The following SRSF7 variants were observed in gnomAD, a reference collection of about 807,000 sequenced individuals.
SRSF7 encodes the protein serine and arginine rich splicing factor 7.
SRSF7 carries 15 observed loss-of-function variants against 42.2 expected under a neutral mutation model. The observed-to-expected ratio is 0.36, with a 90% CI of 0.24 to 0.55. The LOEUF is 0.55. Ranked by LOEUF, SRSF7 falls within the 20% of genes least tolerant of loss-of-function variation. The pLI, the probability that SRSF7 is intolerant of heterozygous loss-of-function variation, is 0.88. For synonymous variants in SRSF7, 138 were observed against 107.9 expected, an observed-to-expected ratio of 1.28 and a Z score of -1.73; for missense variants, 181 against 305.9, an observed-to-expected ratio of 0.59 and a Z score of 3.04.
chr2:38,751,157 G>A, intron 1 of SRSF7, 72 bp downstream of exon 1: 1 of 1,597,880 alleles, frequency 6.3e-7, no homozygotes, highest in South Asian at 1.1e-5. Flanking sequence ...CCCAACCTCC[G>A]CGACAACCCT....
intron 1 of SRSF7, 38 bp downstream of exon 1, chr2:38,751,191 C>T: frequency 6.2e-7 from 1 of 1,613,746 alleles, no homozygotes; most frequent in East Asian, 2.2e-5. Context: ...GCTCACTACA[C>T]CCACACCAAC....
intron 3 of SRSF7, 100 bp from the exon 4 acceptor site, chr2:38,748,753 T>G: frequency 8.1e-6 from 11 of 1,349,866 alleles, no homozygotes; most frequent in Non-Finnish European, 1.1e-5. Flanking sequence ...CTATTTAAAT[T>G]TAGTGTCTCA....
chr2:38,751,353 C>G lies in SRSF7; in HGVS notation c.-97G>C. On this transcript the variant is annotated 5_prime_UTR_variant, in exon 1 of 8. Coordinates refer to ENST00000313117, the MANE Select transcript of SRSF7 (RefSeq NM_001031684.3). ...CACCTTCACCCGCCAAGAGTCCCGG[C>G]GGCACTACGAGGAAGAGCCCGGGTT... 4.5e-5 allele frequency: 71 copies of G among 1,563,962 alleles called. No homozygotes were observed. Among genetic ancestry groups the G allele is most frequent in the Admixed American group, 1.2e-4 (7 of 59,224 alleles).
intron 1 of SRSF7, chr2:38,750,962 C>T (rs1486657826): frequency 7.2e-6 from 3 of 414,170 alleles, no homozygotes; most frequent in Non-Finnish European, 1.3e-5. Flanking sequence ...CCGAGAAAGG[C>T]AACGCGAAAA....
chr2:38,746,268 C>G, intron 6 of SRSF7, 89 bp from the exon 7 acceptor site: 1 of 1,440,192 alleles, frequency 6.9e-7, no homozygotes, highest in Non-Finnish European at 9.7e-7. Flanking sequence ...CCCAAATGTC[C>G]TAAGCTTAAA....
chr2:38,744,897 G>A lies in SRSF7; in HGVS notation c.*236C>T. On this transcript the variant is annotated 3_prime_UTR_variant, in exon 8 of 8. Coordinates refer to ENST00000313117, the MANE Select transcript of SRSF7 (RefSeq NM_001031684.3). ...ATATTGAACACAAATCAAAAATCTA[G>A]TTAGAAACATTTTATTTAAATGTGC... 2 of 458,224 alleles carry A rather than the reference G, an allele frequency of 4.4e-6. No individual in the cohort carries two copies. Among genetic ancestry groups the A allele is most frequent in the Non-Finnish European group, 7.7e-6 (2 of 258,514 alleles). 28.4% of individuals were successfully genotyped at this position (458,224 alleles called of 1,614,324 possible).
chr2:38,744,549 TCA>T lies in SRSF7; in HGVS notation c.*582_*583del. 1.3e-5 allele frequency: 2 copies of T among 152,278 alleles called. No individual in the cohort carries two copies. The highest frequency in any genetic ancestry group is 4.8e-5 in the African/African-American group (2 of 41,450). The allele number at this position is 152,278 out of a possible 1,614,324, so 9.4% of individuals were successfully genotyped here. ...CAGTTTCGTTTAGTTCCTGTCATGCTCATTTAGACACATCAGTGGTCCTACTT... is the reference window on the plus strand; with the variant it reads ...CAGTTTCGTTTAGTTCCTGTCATGCTTTTAGACACATCAGTGGTCCTACTT... On this transcript the variant is annotated 3_prime_UTR_variant, in exon 8 of 8. Coordinates refer to ENST00000313117, the MANE Select transcript of SRSF7 (RefSeq NM_001031684.3).
chr2:38,748,567 A>G lies in SRSF7; in HGVS notation c.461+12T>C, dbSNP rs759198490. 12 of 1,613,100 alleles carry G rather than the reference A, an allele frequency of 7.4e-6. No homozygotes were observed. The highest frequency in any genetic ancestry group is 1.7e-5 in the Admixed American group (1 of 59,992). On this transcript the variant is annotated intron_variant, in intron 4 of 7. Coordinates refer to ENST00000313117, the MANE Select transcript of SRSF7 (RefSeq NM_001031684.3). ...AATAATACAGAAAGACTTCAGTTAAACAAGATCTCACCTTCGTCCCCTGCT... is the reference window on the plus strand; with the variant it reads ...AATAATACAGAAAGACTTCAGTTAAGCAAGATCTCACCTTCGTCCCCTGCT...
rs911066014 is a variant in SRSF7 at position 38,751,044 on chromosome 2, T to C, written c.28+185A>G. 1.4e-5 allele frequency: 10 copies of C among 699,080 alleles called. No individual in the cohort carries two copies. In the African/African-American group the frequency reaches 1.6e-4, roughly 11 times the overall value. 43.3% of individuals were successfully genotyped at this position (699,080 alleles called of 1,614,324 possible). On this transcript the variant is annotated intron_variant, in intron 1 of 7. Coordinates refer to ENST00000313117, the MANE Select transcript of SRSF7 (RefSeq NM_001031684.3). ...CCAAGAGTACGGAACTCGGCAGAGATGTACACCCGCCATCCCGTCTCCCTT... is the reference window on the plus strand; with the variant it reads ...CCAAGAGTACGGAACTCGGCAGAGACGTACACCCGCCATCCCGTCTCCCTT...
Position 38,748,099 on chromosome 2 carries a change from C to T in SRSF7, c.520G>A (p.Ala174Thr). ...CCAGACCTAGATCTTCTGAGTGAAG[C>T]TGATCTTGATCTACGAAGAGAGATA... ...RSISLRRSRS[A>T]SLRRSRSGSI... The change falls in exon 5 of 8, where the codon GCT becomes ACT. Residue 174 changes from alanine to threonine, a missense_variant. Ala to Thr is a moderately conservative substitution (Grantham distance 58, BLOSUM62 0). Transcript: ENST00000313117. The T allele has an allele frequency of 6.2e-7, 1 of 1,614,056 alleles. No homozygotes were observed. Among genetic ancestry groups the T allele is most frequent in the Non-Finnish European group, 8.5e-7 (1 of 1,179,952 alleles).
At chr2:38,748,862 T>C in intron 3 of SRSF7, 1 of 1,366,202 alleles carries the variant, frequency 7.3e-7, no homozygotes, top group Non-Finnish European at 9.6e-7. Context: ...TAGCATTACA[T>C]AATATAAAAC....
chr2:38,747,544 G>C (rs765507727), intron 5 of SRSF7, among the ~76,000 whole-genome samples: 1 of 151,680 alleles, frequency 6.6e-6, no homozygotes, highest in Non-Finnish European at 1.5e-5. Context: ...TGGTTCTTTA[G>C]TTTTTTCAGG....
chr2:38,744,807 T>C lies in SRSF7; in HGVS notation c.*326A>G. ...AACACCTTTCAATTCTGAATGTAGG[T>C]ATGTATGAATAAGGTTAACAATTAT... is the stretch of plus-strand genomic sequence containing the variant. On this transcript the variant is annotated 3_prime_UTR_variant, in exon 8 of 8. Coordinates refer to ENST00000313117, the MANE Select transcript of SRSF7 (RefSeq NM_001031684.3). 1 of 244,816 alleles carries C rather than the reference T, an allele frequency of 4.1e-6. No individual in the cohort carries two copies. Among genetic ancestry groups the C allele is most frequent in the Non-Finnish European group, 7.9e-6 (1 of 127,222 alleles). The allele number at this position is 244,816 out of a possible 1,614,324, so 15.2% of individuals were successfully genotyped here.
chr2:38,750,240 G>A, intron 1 of SRSF7, 46 bp from the exon 2 acceptor site: 7 of 1,544,214 alleles, frequency 4.5e-6, no homozygotes, highest in Non-Finnish European at 6.1e-6. Context: ...GCAAAATCTG[G>A]CCCAAGTTTC....
chr2:38,747,615 T>C (rs1259183351), intron 5 of SRSF7, among the ~76,000 whole-genome samples: 1 of 152,202 alleles, frequency 6.6e-6, no homozygotes, highest in Non-Finnish European at 1.5e-5. Flanking sequence ...ACTGCCCTAG[T>C]CAACTTTCCA....
chr2:38,748,711 T>C, intron 3 of SRSF7, 58 bp from the exon 4 acceptor site: 1 of 1,528,966 alleles, frequency 6.5e-7, no homozygotes, highest in Non-Finnish European at 9.1e-7. Context: ...TTTTAAGAGT[T>C]TGTGTGCCTC....
chr2:38,746,789 C>T (rs570091972), intron 5 of SRSF7, 42 bp from the exon 6 acceptor site: 3 of 1,608,548 alleles, frequency 1.9e-6, no homozygotes, highest in East Asian at 2.2e-5. Flanking sequence ...TCAATCAGTC[C>T]AAAGGAATTT....
intron 1 of SRSF7, 44 bp downstream of exon 1, chr2:38,751,185 A>T (rs1162477684): frequency 1.2e-6 from 2 of 1,613,292 alleles, no homozygotes; most frequent in Non-Finnish European, 1.7e-6. Context: ...CGCAGTGCTC[A>T]CTACACCCAC....
At chr2:38,747,944 C>CA (rs1418462500) in intron 5 of SRSF7, 103 bp downstream of exon 5, 1 of 782,746 alleles carries the variant, frequency 1.3e-6, no homozygotes, top group Non-Finnish European at 2.0e-6. Context: ...TTTTACATCT[C>CA]AAATATTCCC....
Sources: gnomAD v4.1 joint callset for allele counts (sites outside exome capture counted in the v4.1 genomes callset) on GRCh38, gnomAD v4.1.1 for gene constraint, MANE v1.5 for transcripts, NCBI Gene and HGNC (gene_info 2026-07-23, HGNC 2026-07-21) for gene names.